SORCS3: variants seen among roughly 807,000 people sequenced by gnomAD.
SORCS3 encodes the protein VPS10 domain-containing receptor SorCS3.
Under a neutral mutation model 146.3 loss-of-function variants are expected in SORCS3, and 57 were observed. That is an observed-to-expected ratio of 0.39 (90% CI 0.31 to 0.49). The LOEUF is 0.49. Ranked by LOEUF, SORCS3 falls within the 20% of genes least tolerant of loss-of-function variation. SORCS3 has a pLI of 0.92. For synonymous variants in SORCS3, 653 were observed against 618.5 expected (o/e 1.06, Z -0.83); for missense variants, 1,341 against 1,575.5 (o/e 0.85, Z 2.52).
intron 2 of SORCS3, among the ~76,000 whole-genome samples, chr10:104,891,635 T>C (rs1014811805): frequency 6.6e-6 from 1 of 152,150 alleles, no homozygotes; most frequent in Non-Finnish European, 1.5e-5. Flanking sequence ...AAAATTGTTG[T>C]TTTATATGTT....
At chr10:104,920,420 C>CTGTGTATAGT (rs1369524177) in intron 3 of SORCS3, among the ~76,000 whole-genome samples, 1 of 152,178 alleles carries the variant, frequency 6.6e-6, no homozygotes, top group East Asian at 1.9e-4. Context: ...AGGTGTTAAC[C>CTGTGTATAGT]TGTGTATAGT....
intron 1 of SORCS3, among the ~76,000 whole-genome samples, chr10:104,647,103 A>G (rs909727084): frequency 6.6e-6 from 1 of 152,190 alleles, no homozygotes; most frequent in Non-Finnish European, 1.5e-5. Context: ...CATAGCCAGG[A>G]GTGTTTCATC....
rs530752547 is a variant in SORCS3, at chr10:105,251,735, T to A, written c.3106-1040T>A. Among the ~76,000 whole-genome samples, 14 of 152,344 alleles carry A rather than the reference T, an allele frequency of 9.2e-5. No individual in the cohort carries two copies. The South Asian group carries it at 2.9e-3, about 32-fold the overall frequency. On this transcript the variant is annotated intron_variant, in intron 22 of 26. Coordinates refer to ENST00000369701, the MANE Select transcript of SORCS3 (RefSeq NM_014978.3). ...CTTCACGGGGGAGAACTCAGCATCC[T>A]GTTTTCTTTAAAAATTTGCCTTCAG... is the stretch of plus-strand genomic sequence containing the variant.
intron 3 of SORCS3, among the ~76,000 whole-genome samples, chr10:104,926,451 T>C (rs1355615693): frequency 6.6e-6 from 1 of 152,034 alleles, no homozygotes; most frequent in African/African-American, 2.4e-5. Flanking sequence ...GAACAAAACA[T>C]GAACCAAACC....
intron 1 of SORCS3, among the ~76,000 whole-genome samples, chr10:104,743,797 T>C (rs2133462908): frequency 6.6e-6 from 1 of 152,252 alleles, no homozygotes; most frequent in South Asian, 2.1e-4. Context: ...GCCTTGTCTG[T>C]ACCGATGTGG....
chr10:104,844,553 A>G (rs2018182757), intron 2 of SORCS3, among the ~76,000 whole-genome samples: 1 of 152,178 alleles, frequency 6.6e-6, no homozygotes, highest in Non-Finnish European at 1.5e-5. Flanking sequence ...AAGAGACACT[A>G]TATAGTTTGG....
chr10:105,250,115 CTG>C (rs1231779602), intron 22 of SORCS3, among the ~76,000 whole-genome samples: 1 of 152,090 alleles, frequency 6.6e-6, no homozygotes, highest in Non-Finnish European at 1.5e-5. Flanking sequence ...AACCTTCTTG[CTG>C]TGTCTTCACA....
chr10:104,873,590 A>G (rs1042668698), intron 2 of SORCS3, among the ~76,000 whole-genome samples: 2 of 152,172 alleles, frequency 1.3e-5, no homozygotes, highest in African/African-American at 4.8e-5. Context: ...TCTCTTTTGG[A>G]TGCAGTAGTC....
At chr10:105,053,300 A>G (rs1300561054) in intron 5 of SORCS3, among the ~76,000 whole-genome samples, 1 of 152,038 alleles carries the variant, frequency 6.6e-6, no homozygotes, top group Non-Finnish European at 1.5e-5. Flanking sequence ...ACAACTTGGG[A>G]AGGAATGCAA....
At chr10:104,934,974 G>C (rs751124120) in intron 3 of SORCS3, among the ~76,000 whole-genome samples, 2 of 152,196 alleles carry the variant, frequency 1.3e-5, no homozygotes, top group Non-Finnish European at 2.9e-5. Flanking sequence ...AGAACATTCA[G>C]TTGGTCCATG....
chr10:104,869,905 C>T (rs976269684), intron 2 of SORCS3, among the ~76,000 whole-genome samples: 5 of 152,172 alleles, frequency 3.3e-5, no homozygotes, highest in African/African-American at 4.8e-5. Context: ...TTAGCTACTG[C>T]AAGTAATTTT....
intron 1 of SORCS3, among the ~76,000 whole-genome samples, chr10:104,733,167 G>A (rs2133454201): frequency 6.6e-6 from 1 of 152,244 alleles, no homozygotes; most frequent in African/African-American, 2.4e-5. Flanking sequence ...GAGCTCCTCT[G>A]ATGCCCCCAG....
chr10:105,121,680 C>T (rs1276205052), intron 7 of SORCS3, among the ~76,000 whole-genome samples: 3 of 152,134 alleles, frequency 2.0e-5, no homozygotes, highest in African/African-American at 4.8e-5. Context: ...AATTTTGTTT[C>T]ATATCAGAAA....
At chr10:104,644,804 C>T (rs1189648589) in intron 1 of SORCS3, among the ~76,000 whole-genome samples, 3 of 152,184 alleles carry the variant, frequency 2.0e-5, no homozygotes, top group African/African-American at 4.8e-5. Context: ...CTCTGATGCA[C>T]CTGATTGCTT....
At chr10:104,918,186 A>G (rs1018532633) in intron 3 of SORCS3, among the ~76,000 whole-genome samples, 1 of 152,218 alleles carries the variant, frequency 6.6e-6, no homozygotes, top group African/African-American at 2.4e-5. Context: ...CTATGCCACA[A>G]AAATTTTCAT....
rs552779692 is a variant in SORCS3, at chr10:104,854,606, G to T, written c.695+11747G>T. Among the ~76,000 whole-genome samples, 33 of 152,138 alleles carry T rather than the reference G, an allele frequency of 2.2e-4. 1 individual carries two copies. In the South Asian group the frequency reaches 6.2e-3, roughly 29 times the overall value. The stretch of plus-strand genomic sequence containing the variant: ...TTTTTTTGTGTGAGTTTGTGTGGGG[G>T]TGTGGGGAAGGTAGGTTTGTCTATC... On this transcript the variant is annotated intron_variant, in intron 2 of 26. Coordinates refer to ENST00000369701, the MANE Select transcript of SORCS3 (RefSeq NM_014978.3).
At chr10:105,056,691 A>C (rs2055448117) in intron 5 of SORCS3, among the ~76,000 whole-genome samples, 1 of 152,158 alleles carries the variant, frequency 6.6e-6, no homozygotes. Flanking sequence ...TCCTGATCTC[A>C]AGTTCCATTC....
At chr10:105,065,724 C>T (rs1344036546) in intron 5 of SORCS3, among the ~76,000 whole-genome samples, 4 of 152,158 alleles carry the variant, frequency 2.6e-5, no homozygotes, top group Non-Finnish European at 4.4e-5. Context: ...ACTGGCAATA[C>T]ACCTAATCTC....
intron 3 of SORCS3, among the ~76,000 whole-genome samples, chr10:104,974,803 C>T (rs561295182): frequency 6.6e-6 from 1 of 152,140 alleles, no homozygotes; most frequent in Non-Finnish European, 1.5e-5. Flanking sequence ...ATGATCTTTA[C>T]AATTTGGCCT....
Sources: allele counts gnomAD v4.1 joint callset (sites outside exome capture counted in the v4.1 genomes callset), GRCh38; gene constraint gnomAD v4.1.1; transcripts MANE v1.5; gene names NCBI Gene and HGNC (gene_info 2026-07-23, HGNC 2026-07-21).